TANC2: variants seen among roughly 807,000 people sequenced by gnomAD.
The protein encoded by TANC2 is tetratricopeptide repeat, ankyrin repeat and coiled-coil containing 2, also known as protein TANC2.
In TANC2, 26 loss-of-function variants were observed where a neutral mutation model predicts 210.5. The ratio of observed to expected loss-of-function variants is 0.12; its 90% CI spans 0.09 to 0.17. The LOEUF (loss-of-function observed/expected upper bound fraction) is 0.17. TANC2 is among the 10% of genes least tolerant of loss of function. The pLI is 1.00. For synonymous variants in TANC2, 931 were observed against 967.1 expected (o/e 0.96, Z 0.69); for missense variants, 2,129 against 2,608.9 (o/e 0.82, Z 4.01).
chr17:63,223,505 A>G (rs1378933235), intron 7 of TANC2, among the ~76,000 whole-genome samples: 1 of 152,172 alleles, frequency 6.6e-6, no homozygotes, highest in African/African-American at 2.4e-5. Context: ...AGTCCGAAGC[A>G]GGAGCAACAG....
chr17:63,205,296 A>G (rs1395511333), intron 7 of TANC2, among the ~76,000 whole-genome samples: 3 of 145,560 alleles, frequency 2.1e-5, no homozygotes, highest in Non-Finnish European at 4.5e-5. Context: ...AAAGACCTAA[A>G]CATAGTAGTT....
Position 63,411,117 on chromosome 17 carries a change from G to GT in TANC2, c.3590-393dup, listed in dbSNP as rs547985939. ...CACACATGGAGCAGCATGACCAAGA[G>GT]TGAGGATGCAGGAGGATTTACGGGA... On this transcript the variant is annotated intron_variant, in intron 21 of 27. Transcript: ENST00000689528. 1.2e-3 allele frequency among the ~76,000 whole-genome samples: 177 copies of GT among 152,232 alleles called. 1 individual carries two copies. Among genetic ancestry groups the GT allele is most frequent in the African/African-American group, 4.1e-3 (170 of 41,524 alleles).
intron 9 of TANC2, among the ~76,000 whole-genome samples, chr17:63,287,296 A>G (rs2044253542): frequency 6.6e-6 from 1 of 152,098 alleles, no homozygotes; most frequent in South Asian, 2.1e-4. Flanking sequence ...TTCCTTGTTC[A>G]TACCTTTTGA....
intron 14 of TANC2, among the ~76,000 whole-genome samples, chr17:63,358,681 A>G (rs1191821909): frequency 1.3e-5 from 2 of 152,154 alleles, no homozygotes; most frequent in Non-Finnish European, 1.5e-5. Flanking sequence ...TAGTAAAGAG[A>G]TGGAAAACCT....
At chr17:63,339,261 A>G (rs1465032088) in intron 11 of TANC2, among the ~76,000 whole-genome samples, 8 of 152,170 alleles carry the variant, frequency 5.3e-5, no homozygotes, top group African/African-American at 1.7e-4. Context: ...ACACAGTCCA[A>G]TCCCTTTTCT....
Position 63,305,774 on chromosome 17 carries a change from C to G in TANC2, c.1160-8614C>G, listed in dbSNP as rs549782016. ...TGAAGAAGATGAAAATTAACCTTGA[C>G]TGTAATATATGGACATGGTATGAAG... On this transcript the variant is annotated intron_variant, in intron 9 of 27. Transcript: ENST00000689528. Among the ~76,000 whole-genome samples the G allele has an allele frequency of 4.6e-5, 7 of 152,284 alleles. No homozygotes were observed. In the East Asian group the frequency reaches 9.7e-4, roughly 21 times the overall value.
chr17:63,377,164 G>T (rs1321716453), intron 14 of TANC2, among the ~76,000 whole-genome samples: 1 of 152,182 alleles, frequency 6.6e-6, no homozygotes, highest in African/African-American at 2.4e-5. Flanking sequence ...AGGCCTCCAG[G>T]CCTGTGATGG....
rs548813534 is a variant in TANC2, at chr17:63,316,458, T to C, written c.1441+1789T>C. Among the ~76,000 whole-genome samples the C allele has an allele frequency of 2.6e-5, 4 of 152,266 alleles. No homozygotes were observed. In the South Asian group the frequency reaches 6.2e-4, roughly 24 times the overall value. ...CTATGAGCCTGGGGGAGCAAAAGTT[T>C]ATAGAAAACAGCCCATGTACTCCCC... On this transcript the variant is annotated intron_variant, in intron 10 of 27. Transcript: ENST00000689528.
chr17:63,356,132 CT>C (rs2046777019), intron 14 of TANC2, among the ~76,000 whole-genome samples: 1 of 152,164 alleles, frequency 6.6e-6, no homozygotes, highest in African/African-American at 2.4e-5. Flanking sequence ...CCCCAGCACT[CT>C]TTCCCAATGA....
chr17:63,126,828 T>C (rs1005174181), intron 4 of TANC2, among the ~76,000 whole-genome samples: 1 of 152,116 alleles, frequency 6.6e-6, no homozygotes, highest in African/African-American at 2.4e-5. Flanking sequence ...GACACATGAG[T>C]CACGTTCCTT....
chr17:63,122,245 A>G (rs1206582733), intron 4 of TANC2, among the ~76,000 whole-genome samples: 4 of 152,192 alleles, frequency 2.6e-5, no homozygotes, highest in African/African-American at 9.6e-5. Context: ...TAATTGTTTA[A>G]TCTAGCATCT....
rs538369965 is a variant in TANC2, at chr17:63,099,034, G to A, written c.140-141G>A. The A allele has an allele frequency of 3.6e-5, 30 of 823,042 alleles. No homozygotes were observed. In the Admixed American group the frequency reaches 6.5e-4, roughly 18 times the overall value. 51.0% of individuals were successfully genotyped at this position (823,042 alleles called of 1,614,324 possible). ...TGGAATTGAGTACATAGTAAGTGTA[G>A]AAATGAATGCATGTAGTGAAAATAC... On this transcript the variant is annotated intron_variant, in intron 3 of 27. Transcript: ENST00000689528.
At chr17:63,194,192 G>A in intron 6 of TANC2, 53 bp downstream of exon 6, 1 of 1,549,356 alleles carries the variant, frequency 6.5e-7, no homozygotes, top group Non-Finnish European at 8.7e-7. Flanking sequence ...AGCTTATTAT[G>A]CCAGAAATAA....
exon 9 of TANC2, chr17:63,267,865 A>T: frequency 3.1e-6 from 5 of 1,611,046 alleles, no homozygotes; most frequent in Non-Finnish European, 4.2e-6. Flanking sequence ...ACACAGCAGG[A>T]TTTAAGAGGT....
chr17:63,239,876 CA>C (rs1385699622), intron 8 of TANC2, among the ~76,000 whole-genome samples: 3 of 152,046 alleles, frequency 2.0e-5, no homozygotes, highest in Non-Finnish European at 2.9e-5. Flanking sequence ...GCAAAAGGCA[CA>C]GGGGGAACAA....
At chr17:63,356,054 A>G (rs1335466178) in intron 14 of TANC2, among the ~76,000 whole-genome samples, 1 of 152,098 alleles carries the variant, frequency 6.6e-6, no homozygotes, top group Non-Finnish European at 1.5e-5. Flanking sequence ...ACACCAGAAT[A>G]GGGATCACAA....
chr17:63,400,769 G>A (rs1055702675), intron 19 of TANC2, among the ~76,000 whole-genome samples: 5 of 150,822 alleles, frequency 3.3e-5, no homozygotes, highest in African/African-American at 9.8e-5. Flanking sequence ...TCAGCCTCCC[G>A]AGTAGCTGGG....
chr17:63,213,987 G>A (rs1249916147), intron 7 of TANC2, among the ~76,000 whole-genome samples: 1 of 152,148 alleles, frequency 6.6e-6, no homozygotes, highest in Non-Finnish European at 1.5e-5. Flanking sequence ...AGGAAAGGGG[G>A]AGTGAGACAG....
At chr17:63,252,469 A>C (rs934045505) in intron 8 of TANC2, among the ~76,000 whole-genome samples, 1 of 152,036 alleles carries the variant, frequency 6.6e-6, no homozygotes, top group Non-Finnish European at 1.5e-5. Context: ...TTTGCTGTCA[A>C]ATACTAGATC....
Sources: allele counts gnomAD v4.1 joint callset (sites outside exome capture counted in the v4.1 genomes callset), GRCh38; gene constraint gnomAD v4.1.1; transcripts MANE v1.5; gene names NCBI Gene and HGNC (gene_info 2026-07-23, HGNC 2026-07-21).